Variants in PLA2R1 observed in about 807,000 individuals in gnomAD.
PLA2R1 encodes secretory phospholipase A2 receptor.
A neutral mutation model predicts 195.9 loss-of-function variants in PLA2R1; 158 were observed. The ratio of observed to expected loss-of-function variants is 0.81; its 90% CI spans 0.71 to 0.92. The LOEUF is 0.92. Among genes scored for constraint, PLA2R1 ranks in the 40% least tolerant of loss-of-function variants. The pLI, the probability that PLA2R1 is intolerant of heterozygous loss-of-function variation, is 0.00. For synonymous variants in PLA2R1, 586 were observed against 598.2 expected (o/e 0.98, Z 0.30); for missense variants, 1,626 against 1,764.6 (o/e 0.92, Z 1.41).
chr2:159,952,303 G>C (rs778024466), intron 23 of PLA2R1, among the ~76,000 whole-genome samples: 5 of 152,152 alleles, frequency 3.3e-5, no homozygotes, highest in Admixed American at 1.3e-4. Context: ...TTATGAACAC[G>C]TGTTTCCTCT....
intron 15 of PLA2R1, 70 bp downstream of exon 15, chr2:159,977,214 T>TC: frequency 8.3e-7 from 1 of 1,202,102 alleles, no homozygotes; most frequent in Non-Finnish European, 1.2e-6. Context: ...GTTTGGGGTG[T>TC]TTAAATTGGG....
intron 3 of PLA2R1, 96 bp downstream of exon 3, chr2:160,041,929 A>G: frequency 1.0e-6 from 1 of 980,102 alleles, no homozygotes; most frequent in Non-Finnish European, 1.5e-6. Context: ...TCAGACTTCA[A>G]TATATCAATC....
intron 10 of PLA2R1, among the ~76,000 whole-genome samples, chr2:160,011,009 G>A (rs947293840): frequency 6.6e-6 from 1 of 152,044 alleles, no homozygotes; most frequent in African/African-American, 2.4e-5. Flanking sequence ...CCAAGACTGG[G>A]ATAAAAACAA....
intron 14 of PLA2R1, among the ~76,000 whole-genome samples, chr2:159,979,442 A>G (rs1371142855): frequency 6.6e-6 from 1 of 152,116 alleles, no homozygotes; most frequent in African/African-American, 2.4e-5. Flanking sequence ...AATAATCTTC[A>G]TTTCATTATG....
In PLA2R1 at chr2:159,977,753, C is replaced by T. The variant is rs533570837; in HGVS notation, c.2269-337G>A. On this transcript the variant is annotated intron_variant, in intron 14 of 29. Coordinates refer to ENST00000283243, the MANE Select transcript of PLA2R1 (RefSeq NM_007366.5). ...GAGATTGAGACCATCCTGGCTAACACGGTGAAACCCCATCTCTACTAAAAA... is the reference window on the plus strand; with the variant it reads ...GAGATTGAGACCATCCTGGCTAACATGGTGAAACCCCATCTCTACTAAAAA... Among the ~76,000 whole-genome samples the T allele has an allele frequency of 4.3e-4, 66 of 151,972 alleles. 1 individual carries two copies. The South Asian group carries it at 4.6e-3, about 11-fold the overall frequency.
Position 159,955,317 on chromosome 2 carries a change from C to T in PLA2R1, c.3183G>A (p.Gln1061=), listed in dbSNP as rs905398444. The T allele has an allele frequency of 6.2e-7, 1 of 1,602,406 alleles. No individual in the cohort carries two copies. The highest frequency in any genetic ancestry group is 8.5e-7 in the Non-Finnish European group (1 of 1,170,966). The part of the protein sequence containing the change: ...NIPSHNTTEV[Q]KHIPLCALLS... The stretch of plus-strand genomic sequence containing the variant: ...GTAAGGCACAGAGAGGAATGTGTTT[C>T]TGAACTTCAGTGGTATTGTGACTTG... The change falls in exon 23 of 30, where the codon CAG becomes CAA. Residue 1061 remains glutamine, a synonymous_variant. Coordinates refer to ENST00000283243, the MANE Select transcript of PLA2R1 (RefSeq NM_007366.5).
rs577078609 is a variant in PLA2R1, at chr2:160,062,364, C to CCAGCAG, written c.34_39dup (p.Leu12_Leu13dup). 100 of 1,535,738 alleles carry CCAGCAG rather than the reference C, an allele frequency of 6.5e-5. 1 individual carries two copies. The highest frequency in any genetic ancestry group is 3.2e-4 in the South Asian group (27 of 83,130). ...CCCTCGGCGCAGCCCCGCGGCGCCCCCAGCAGCAGCAGCAGCAGCAGCGAC... is the reference window on the plus strand; with the variant it reads ...CCCTCGGCGCAGCCCCGCGGCGCCCCCAGCAGCAGCAGCAGCAGCAGCAGCAGCGAC... On this transcript the variant is annotated inframe_insertion, in exon 1 of 30. Coordinates refer to ENST00000283243, the MANE Select transcript of PLA2R1 (RefSeq NM_007366.5).
intron 1 of PLA2R1, among the ~76,000 whole-genome samples, chr2:160,050,614 GATCT>G (rs1695158830): frequency 6.6e-6 from 1 of 152,162 alleles, no homozygotes; most frequent in Non-Finnish European, 1.5e-5. Flanking sequence ...AGACAACAAA[GATCT>G]ATCAACTGCT....
intron 17 of PLA2R1, among the ~76,000 whole-genome samples, chr2:159,971,629 G>A (rs1250601156): frequency 6.6e-6 from 1 of 152,110 alleles, no homozygotes; most frequent in Non-Finnish European, 1.5e-5. Context: ...GGGTGTGTGT[G>A]TGTGTGTTGT....
Position 159,961,319 on chromosome 2 carries a change from A to G in PLA2R1, c.2905-4692T>C, listed in dbSNP as rs936578664. Among the ~76,000 whole-genome samples, 3 of 152,180 alleles carry G rather than the reference A, an allele frequency of 2.0e-5. No individual in the cohort carries two copies. The East Asian group carries it at 5.8e-4, about 29-fold the overall frequency. On this transcript the variant is annotated intron_variant, in intron 20 of 29. Transcript: ENST00000283243. ...TAATCAAATGCTCCTAATGCCTTGA[A>G]GAAAGAGTTGTGGAACTATGACTGT...
chr2:160,001,464 T>C (rs796958829), intron 11 of PLA2R1, among the ~76,000 whole-genome samples: 1 of 151,990 alleles, frequency 6.6e-6, no homozygotes, highest in Non-Finnish European at 1.5e-5. Context: ...TCCAATTCTA[T>C]ACATAATCAC....
chr2:160,000,037 C>T (rs1691486840), intron 11 of PLA2R1, among the ~76,000 whole-genome samples: 1 of 152,124 alleles, frequency 6.6e-6, no homozygotes, highest in Non-Finnish European at 1.5e-5. Flanking sequence ...ACCATGGTAG[C>T]CAAACTACCT....
chr2:160,018,528 A>T (rs899622926), intron 8 of PLA2R1, among the ~76,000 whole-genome samples: 2 of 152,164 alleles, frequency 1.3e-5, no homozygotes, highest in Non-Finnish European at 2.9e-5. Context: ...GCTACTTGGG[A>T]GGCTGAGGCA....
In PLA2R1 at chr2:159,938,886, C is replaced by T. The variant is rs183865273; in HGVS notation, c.*2892G>A. ...CCTTCAAGAGAAGAAATATTTAACCCGAAAGAAGACTGTTGTAACTGTAAG... is the reference window on the plus strand; with the variant it reads ...CCTTCAAGAGAAGAAATATTTAACCTGAAAGAAGACTGTTGTAACTGTAAG... On this transcript the variant is annotated 3_prime_UTR_variant, in exon 30 of 30. Transcript: ENST00000283243. The T allele has an allele frequency of 6.6e-6, 1 of 152,044 alleles. No individual in the cohort carries two copies. Among genetic ancestry groups the T allele is most frequent in the African/African-American group, 2.4e-5 (1 of 41,384 alleles). The allele number at this position is 152,044 out of a possible 1,614,324, so 9.4% of individuals were successfully genotyped here.
intron 27 of PLA2R1, chr2:159,946,208 A>C: frequency 1.1e-6 from 1 of 923,786 alleles, no homozygotes; most frequent in South Asian, 5.0e-5. Flanking sequence ...AATTCTAAAC[A>C]ATGTTGGTGA....
chr2:159,968,385 C>A (rs889883879), intron 19 of PLA2R1, among the ~76,000 whole-genome samples: 3 of 152,090 alleles, frequency 2.0e-5, no homozygotes, highest in South Asian at 2.1e-4. Flanking sequence ...AATATGAGCC[C>A]AAAAGATGTT....
intron 1 of PLA2R1, among the ~76,000 whole-genome samples, chr2:160,050,802 G>A (rs2105661406): frequency 6.6e-6 from 1 of 152,312 alleles, no homozygotes; most frequent in Middle Eastern, 3.4e-3. Context: ...GGTGCCATGA[G>A]GTTGGAGTCT....
intron 3 of PLA2R1, among the ~76,000 whole-genome samples, chr2:160,040,236 T>C (rs16844703): frequency 0.023 from 3,474 of 152,066 alleles, 142 homozygotes; most frequent in African/African-American, 0.08. Context: ...TTCATTCTGG[T>C]TGGTGAATAG....
chr2:160,022,861 T>C lies in PLA2R1; in HGVS notation c.1100-2A>G. The C allele has an allele frequency of 6.4e-7, 1 of 1,570,998 alleles. No individual in the cohort carries two copies. Among genetic ancestry groups the C allele is most frequent in the Non-Finnish European group, 8.6e-7 (1 of 1,156,494 alleles). The stretch of plus-strand genomic sequence containing the variant: ...CATAATATTTCCACGCATCTTTTTC[T>C]TTTTAAACCAACAAAAAACAATGTC... On this transcript the variant is annotated splice_acceptor_variant, in intron 6 of 29. Coordinates refer to ENST00000283243, the MANE Select transcript of PLA2R1 (RefSeq NM_007366.5). LOFTEE classifies it high-confidence loss of function.
Sources: allele counts gnomAD v4.1 joint callset (sites outside exome capture counted in the v4.1 genomes callset), GRCh38; gene constraint gnomAD v4.1.1; transcripts MANE v1.5; gene names NCBI Gene and HGNC (gene_info 2026-07-23, HGNC 2026-07-21).